The following ESRRG variants were observed in gnomAD, a reference collection of about 807,000 sequenced individuals.
ESRRG encodes estrogen-related receptor gamma.
In ESRRG, 13 loss-of-function variants were observed where a neutral mutation model predicts 44.0. The observed-to-expected ratio is 0.30, with a 90% confidence interval of 0.19 to 0.47. The LOEUF is 0.47. ESRRG is among the 20% of genes least tolerant of loss of function. The pLI is 1.00. For missense variants in ESRRG, 395 were observed against 580.6 expected (o/e 0.68, Z 3.29); for synonymous variants, 215 against 214.6 (o/e 1.00, Z -0.02).
At chr1:216,527,757 C>A (rs12125859) in intron 5 of ESRRG, among the ~76,000 whole-genome samples, 29,867 of 152,052 alleles carry the variant, frequency 0.2, 3,704 homozygotes, top group Non-Finnish European at 0.27. Flanking sequence ...TTGCCATGAT[C>A]GTTGTCACTG....
intron 2 of ESRRG, chr1:216,864,161 A>G (rs2096103832): frequency 6.6e-6 from 1 of 152,098 alleles, no homozygotes. Flanking sequence ...GTTGTTAATG[A>G]CTTCCCTAAG....
intron 1 of ESRRG, among the ~76,000 whole-genome samples, chr1:217,052,140 G>T (rs946386313): frequency 6.6e-6 from 1 of 152,078 alleles, no homozygotes; most frequent in African/African-American, 2.4e-5. Flanking sequence ...AAATCACTTT[G>T]GATAAAGTAC....
intron 2 of ESRRG, among the ~76,000 whole-genome samples, chr1:216,872,804 G>T (rs531114444): frequency 6.6e-6 from 1 of 152,142 alleles, no homozygotes; most frequent in African/African-American, 2.4e-5. Flanking sequence ...CAAAACATCC[G>T]TATCTGTTCA....
chr1:216,914,767 C>T (rs538178947), intron 2 of ESRRG, among the ~76,000 whole-genome samples: 8 of 152,168 alleles, frequency 5.3e-5, no homozygotes, highest in African/African-American at 1.9e-4. Context: ...AGGTCACCAT[C>T]TCTCCCATCC....
chr1:216,851,607 A>C (rs566251950), intron 2 of ESRRG, among the ~76,000 whole-genome samples: 1 of 152,300 alleles, frequency 6.6e-6, no homozygotes, highest in South Asian at 2.1e-4. Context: ...CCCTCGCCAG[A>C]ACCTGATCAT....
At chr1:216,516,255 G>C (rs986929503) in intron 6 of ESRRG, among the ~76,000 whole-genome samples, 2 of 152,060 alleles carry the variant, frequency 1.3e-5, no homozygotes, top group African/African-American at 4.8e-5. Flanking sequence ...TCAAAGATTT[G>C]AATGTGAAAA....
chr1:217,027,911 C>G (rs1398499455), intron 1 of ESRRG, among the ~76,000 whole-genome samples: 1 of 152,168 alleles, frequency 6.6e-6, no homozygotes, highest in Non-Finnish European at 1.5e-5. Context: ...CTCAATGCAG[C>G]CTGTCCCCAA....
At chr1:216,653,905 G>T (rs2069669210) in intron 2 of ESRRG, among the ~76,000 whole-genome samples, 1 of 151,686 alleles carries the variant, frequency 6.6e-6, no homozygotes, top group South Asian at 2.1e-4. Flanking sequence ...CTTGAGGTCA[G>T]GAGTTCAAGA....
chr1:216,885,717 A>G (rs970083508), intron 2 of ESRRG, among the ~76,000 whole-genome samples: 1 of 152,084 alleles, frequency 6.6e-6, no homozygotes, highest in African/African-American at 2.4e-5. Flanking sequence ...GGAAAGTTTT[A>G]AATATATTTG....
chr1:216,706,550 CA>C (rs11572677), intron 1 of ESRRG, among the ~76,000 whole-genome samples: 17 of 152,150 alleles, frequency 1.1e-4, no homozygotes, highest in African/African-American at 4.1e-4. Flanking sequence ...CTATAACACA[CA>C]AAAAAACTGC....
chr1:216,615,728 T>TTC (rs1221997606), intron 3 of ESRRG, among the ~76,000 whole-genome samples: 62 of 124,274 alleles, frequency 5.0e-4, no homozygotes, highest in African/African-American at 1.3e-3. Context: ...CCTTGCCTAT[T>TTC]TCTCTCTCTT....
At chr1:216,588,676 C>A (rs989135040) in intron 3 of ESRRG, among the ~76,000 whole-genome samples, 3 of 152,184 alleles carry the variant, frequency 2.0e-5, no homozygotes, top group Non-Finnish European at 4.4e-5. Context: ...ACGATTAATA[C>A]TCTGCACCTG....
chr1:216,562,204 C>T (rs975168978), intron 5 of ESRRG, among the ~76,000 whole-genome samples: 19 of 152,128 alleles, frequency 1.2e-4, no homozygotes, highest in African/African-American at 3.9e-4. Flanking sequence ...GAGCAGAACT[C>T]TCCGAAATAA....
intron 1 of ESRRG, among the ~76,000 whole-genome samples, chr1:217,121,105 C>T (rs1286493918): frequency 7.2e-5 from 10 of 138,996 alleles, no homozygotes; most frequent in South Asian, 2.5e-4. Context: ...TCAGCTGTGT[C>T]GGGTCTTGAA....
At chr1:216,644,427 C>CTTTTTTTTTT (rs71161439) in intron 3 of ESRRG, among the ~76,000 whole-genome samples, 13 of 128,482 alleles carry the variant, frequency 1.0e-4, no homozygotes, top group South Asian at 2.5e-4. Flanking sequence ...TTCTTTCTTT[C>CTTTTTTTTTT]TTTTTTTTTT....
intron 5 of ESRRG, among the ~76,000 whole-genome samples, chr1:216,551,529 T>C (rs1484749037): frequency 1.3e-5 from 2 of 152,140 alleles, no homozygotes; most frequent in Non-Finnish European, 2.9e-5. Flanking sequence ...CTATTCTAAC[T>C]ATAAAAAATT....
chr1:217,018,527 C>T (rs1240100280), intron 1 of ESRRG, among the ~76,000 whole-genome samples: 1 of 152,122 alleles, frequency 6.6e-6, no homozygotes, highest in Non-Finnish European at 1.5e-5. Context: ...TCTTTCCAGC[C>T]TCATTTTGCT....
intron 2 of ESRRG, among the ~76,000 whole-genome samples, chr1:216,822,028 T>A (rs1187656500): frequency 6.6e-6 from 1 of 152,118 alleles, no homozygotes; most frequent in Non-Finnish European, 1.5e-5. Context: ...CACAAACGTA[T>A]TCATCTTTTA....
chr1:216,746,007 G>A (rs1576067174), intron 2 of ESRRG, among the ~76,000 whole-genome samples: 1 of 152,144 alleles, frequency 6.6e-6, no homozygotes. Flanking sequence ...TATGTCTTAA[G>A]CTTTGTTCTG....
Sources: allele counts gnomAD v4.1 joint callset (sites outside exome capture counted in the v4.1 genomes callset), GRCh38; gene constraint gnomAD v4.1.1; transcripts MANE v1.5; gene names NCBI Gene and HGNC (gene_info 2026-07-23, HGNC 2026-07-21).